Variants in ST3GAL3 observed in about 807,000 individuals in gnomAD.
ST3GAL3 encodes the protein CMP-N-acetylneuraminate-beta-1,4-galactoside alpha-2,3-sialyltransferase.
ST3GAL3 carries 21 observed loss-of-function variants against 50.1 expected under a neutral mutation model. That is an observed-to-expected ratio of 0.42 (90% CI 0.30 to 0.60). The LOEUF (loss-of-function observed/expected upper bound fraction) is 0.60, where lower values mean the gene tolerates loss of function less well. Among genes scored for constraint, ST3GAL3 ranks in the 20% least tolerant of loss-of-function variants. The probability of loss-of-function intolerance (pLI) is 0.19; values close to 1 mark genes in which losing one functional copy is unlikely to be tolerated. For missense variants in ST3GAL3, 353 were observed against 489.4 expected, an observed-to-expected ratio of 0.72 and a Z score of 2.63; for synonymous variants, 183 against 190.0, an observed-to-expected ratio of 0.96 and a Z score of 0.30.
chr1:43,806,710 A>G (rs1013592874), intron 3 of ST3GAL3, among the ~76,000 whole-genome samples: 8 of 152,220 alleles, frequency 5.3e-5, no homozygotes, highest in Non-Finnish European at 8.8e-5. Context: ...TTATTTTGAA[A>G]CAGGGTCTTA....
At chr1:43,877,218 G>A (rs1056721480) in intron 5 of ST3GAL3, among the ~76,000 whole-genome samples, 3 of 152,214 alleles carry the variant, frequency 2.0e-5, no homozygotes, top group African/African-American at 7.2e-5. Flanking sequence ...TTTCCTGTAG[G>A]AACAGAGTCC....
At chr1:43,725,136 G>C (rs2154077211) in intron 1 of ST3GAL3, among the ~76,000 whole-genome samples, 1 of 152,298 alleles carries the variant, frequency 6.6e-6, no homozygotes, top group Middle Eastern at 3.4e-3. Flanking sequence ...CCAAATCGCT[G>C]TGCTCCATCT....
At chr1:43,863,144 G>C (rs560461521) in intron 5 of ST3GAL3, among the ~76,000 whole-genome samples, 2 of 152,294 alleles carry the variant, frequency 1.3e-5, no homozygotes, top group South Asian at 4.1e-4. Flanking sequence ...CTCACTGTCT[G>C]GGGGAAGTAA....
intron 5 of ST3GAL3, among the ~76,000 whole-genome samples, chr1:43,849,214 G>A (rs2066825026): frequency 6.6e-6 from 1 of 150,486 alleles, no homozygotes; most frequent in African/African-American, 2.4e-5. Context: ...TTGTGTGTTA[G>A]GAATGAGGTT....
At chr1:43,833,670 A>C (rs946850092) in intron 4 of ST3GAL3, among the ~76,000 whole-genome samples, 1 of 152,182 alleles carries the variant, frequency 6.6e-6, no homozygotes, top group African/African-American at 2.4e-5. Flanking sequence ...GAGTGACTCT[A>C]TTGTCTCTAA....
At chr1:43,920,684 T>C (rs2082882121) in intron 10 of ST3GAL3, 98 bp from the exon 11 acceptor site, 1 of 1,610,426 alleles carries the variant, frequency 6.2e-7, no homozygotes, top group South Asian at 1.1e-5. Context: ...TCCTTGGGCA[T>C]GGAGGCTAGC....
intron 2 of ST3GAL3, among the ~76,000 whole-genome samples, chr1:43,790,905 G>A (rs1239296498): frequency 6.6e-6 from 1 of 151,954 alleles, no homozygotes; most frequent in Non-Finnish European, 1.5e-5. Flanking sequence ...CAAAGTGCTG[G>A]GATTACAGGC....
At chr1:43,754,819 G>A (rs1376012026) in intron 2 of ST3GAL3, among the ~76,000 whole-genome samples, 2 of 152,010 alleles carry the variant, frequency 1.3e-5, no homozygotes, top group African/African-American at 2.4e-5. Context: ...GTGTAGTGGT[G>A]TGTTCCTGTA....
chr1:43,828,935 A>T (rs1031886290), intron 4 of ST3GAL3, among the ~76,000 whole-genome samples: 25 of 152,170 alleles, frequency 1.6e-4, no homozygotes, highest in African/African-American at 5.6e-4. Context: ...GGAACTGAAA[A>T]CTTATGTCTA....
intron 3 of ST3GAL3, among the ~76,000 whole-genome samples, chr1:43,806,241 T>C (rs2059870315): frequency 1.3e-5 from 2 of 152,146 alleles, no homozygotes. Context: ...TCTGTGAAAT[T>C]GAGCTTTAGT....
At chr1:43,851,419 C>A in intron 5 of ST3GAL3, 3 of 1,611,824 alleles carry the variant, frequency 1.9e-6, no homozygotes, top group South Asian at 1.1e-5. Context: ...CACTGTGGGT[C>A]CAGCTTATAG....
At chr1:43,734,109 T>C (rs758866068) in intron 1 of ST3GAL3, among the ~76,000 whole-genome samples, 1 of 151,708 alleles carries the variant, frequency 6.6e-6, no homozygotes, top group Non-Finnish European at 1.5e-5. Flanking sequence ...AAACTCCATC[T>C]CGGGGGGTAA....
chr1:43,897,658 A>G (rs1204532350), intron 6 of ST3GAL3, among the ~76,000 whole-genome samples: 1 of 152,144 alleles, frequency 6.6e-6, no homozygotes, highest in Admixed American at 6.5e-5. Context: ...CTCAGGGAGT[A>G]AAGAGGTGAG....
At chr1:43,735,783 A>G (rs993580606) in intron 1 of ST3GAL3, among the ~76,000 whole-genome samples, 4 of 152,262 alleles carry the variant, frequency 2.6e-5, no homozygotes, top group Admixed American at 6.5e-5. Context: ...GAACGAATGC[A>G]AAGGGGTTTA....
intron 9 of ST3GAL3, chr1:43,919,014 T>A (rs1243527999): frequency 6.6e-6 from 1 of 151,330 alleles, no homozygotes; most frequent in African/African-American, 2.4e-5. Flanking sequence ...TTTTATCCAT[T>A]CTAAGTTTAG....
At chr1:43,724,494 C>T (rs140238087) in intron 1 of ST3GAL3, among the ~76,000 whole-genome samples, 155 of 151,726 alleles carry the variant, frequency 1.0e-3, no homozygotes, top group African/African-American at 3.6e-3. Flanking sequence ...GCTGGGATTA[C>T]AGGCTATTTT....
At chr1:43,868,713 A>C (rs570463175) in intron 5 of ST3GAL3, among the ~76,000 whole-genome samples, 2 of 151,276 alleles carry the variant, frequency 1.3e-5, no homozygotes, top group East Asian at 3.9e-4. Context: ...TACCTCCCCC[A>C]CCCTCTAGCA....
At chr1:43,929,626 T>C (rs980696383) in intron 11 of ST3GAL3, among the ~76,000 whole-genome samples, 18 of 152,188 alleles carry the variant, frequency 1.2e-4, no homozygotes, top group African/African-American at 4.3e-4. Context: ...AAAAAAGATT[T>C]GCCATCTCTC....
chr1:43,917,734 T>C (rs1176370805), intron 9 of ST3GAL3, among the ~76,000 whole-genome samples: 5 of 137,744 alleles, frequency 3.6e-5, no homozygotes, highest in African/African-American at 1.4e-4. Flanking sequence ...AGTGGTGCCA[T>C]CTCGGCCCAC....
Sources: allele counts gnomAD v4.1 joint callset (sites outside exome capture counted in the v4.1 genomes callset), GRCh38; gene constraint gnomAD v4.1.1; transcripts MANE v1.5; gene names NCBI Gene and HGNC (gene_info 2026-07-23, HGNC 2026-07-21).